The following GALNT9 variants were observed in gnomAD, a reference collection of about 807,000 sequenced individuals.
GALNT9 encodes polypeptide N-acetylgalactosaminyltransferase 9.
A neutral mutation model predicts 63.1 loss-of-function variants in GALNT9; 47 were observed. The ratio of observed to expected loss-of-function variants is 0.75; its 90% CI spans 0.59 to 0.95. The LOEUF (loss-of-function observed/expected upper bound fraction) is 0.95, where lower values mean the gene tolerates loss of function less well. Among genes scored for constraint, GALNT9 ranks in the 40% least tolerant of loss-of-function variants. The pLI is 0.00. For missense variants in GALNT9, 829 were observed against 874.8 expected (o/e 0.95, Z 0.66); for synonymous variants, 396 against 365.7 (o/e 1.08, Z -0.94).
chr12:132,286,611 A>C lies in GALNT9; in HGVS notation c.239-181T>G. On this transcript the variant is annotated intron_variant, in intron 1 of 10. Transcript: ENST00000328957. The surrounding 1 kb of genome is among the most constrained non-coding windows in gnomAD (Gnocchi z 7.4). Reference sequence around the variant, plus strand: ...CCAGAAAGTGCAAGGCTGTGCGCGGAGTGAGAGGGCGGTGCCAGGCGGAAG... The same window carrying C: ...CCAGAAAGTGCAAGGCTGTGCGCGGCGTGAGAGGGCGGTGCCAGGCGGAAG... 1 of 1,098,452 alleles carries C rather than the reference A, an allele frequency of 9.1e-7. No individual in the cohort carries two copies. Among genetic ancestry groups the C allele is most frequent in the Non-Finnish European group, 1.3e-6 (1 of 797,996 alleles). 68.0% of individuals were successfully genotyped at this position (1,098,452 alleles called of 1,614,324 possible).
rs1332510002 is a variant in GALNT9, at chr12:132,286,108, TG to T, written c.419+141del. On this transcript the variant is annotated intron_variant, in intron 2 of 10. Transcript: ENST00000328957. The surrounding 1 kb of genome is among the most constrained non-coding windows in gnomAD (Gnocchi z 7.4). ...GGGGCGGTCACTTCCCCGGCGGGCG[TG>T]GGGGGCGGTCACTTCCCTGGCGGGC... 3.0e-6 allele frequency: 3 copies of T among 986,734 alleles called. No homozygotes were observed. Among genetic ancestry groups the T allele is most frequent in the African/African-American group, 1.8e-5 (1 of 56,158 alleles). The allele number at this position is 986,734 out of a possible 1,614,324, so 61.1% of individuals were successfully genotyped here.
At chr12:132,215,002 C>T (rs73488308) in intron 6 of GALNT9, among the ~76,000 whole-genome samples, 2 of 152,348 alleles carry the variant, frequency 1.3e-5, no homozygotes, top group Admixed American at 6.5e-5. Context: ...AGTGGAGAAA[C>T]CTGCCGGCCT....
At chr12:132,198,406 C>T (rs1875708117) in intron 9 of GALNT9, among the ~76,000 whole-genome samples, 1 of 147,462 alleles carries the variant, frequency 6.8e-6, no homozygotes, top group South Asian at 2.2e-4. Context: ...CTACGGCCAG[C>T]CCCTGACCAC....
chr12:132,266,963 G>A (rs564067892), intron 2 of GALNT9, among the ~76,000 whole-genome samples: 12 of 152,274 alleles, frequency 7.9e-5, no homozygotes, highest in Admixed American at 2.0e-4. Flanking sequence ...GCATCCTGGC[G>A]TCTCTGAGAA....
rs1555239750 is a variant in GALNT9, at chr12:132,261,097, C to T, written c.612G>A (p.Gln204=). The part of the protein sequence containing the change: ...DNVELKFNLD[Q]YVNKRYPGLV... ...GGCCTGGGTACCGCTTGTTGACGTACTGGTCCAGATTGAACTTGAGTTCCA... is the reference window on the plus strand; with the variant it reads ...GGCCTGGGTACCGCTTGTTGACGTATTGGTCCAGATTGAACTTGAGTTCCA... Residue 204 remains glutamine (Q), a synonymous_variant, in exon 4 of 11, where the codon CAG becomes CAA. Coordinates refer to ENST00000328957, the MANE Select transcript of GALNT9 (RefSeq NM_001122636.2). 3 of 1,551,598 alleles carry T rather than the reference C, an allele frequency of 1.9e-6. No homozygotes were observed. The East Asian group carries it at 7.3e-5, about 38-fold the overall frequency.
chr12:132,235,721 AG>A, intron 6 of GALNT9, among the ~76,000 whole-genome samples: 1 of 131,990 alleles, frequency 7.6e-6, no homozygotes, highest in South Asian at 2.8e-4. Flanking sequence ...ACAGGGCAGG[AG>A]GGTCCCCCGG....
chr12:132,292,220 G>C (rs1555242843), intron 1 of GALNT9, among the ~76,000 whole-genome samples: 20 of 152,170 alleles, frequency 1.3e-4, no homozygotes, highest in Non-Finnish European at 4.4e-5. Context: ...CCCTCAACGT[G>C]CAAGAGACAG....
At chr12:132,206,417 G>A (rs894357258) in intron 6 of GALNT9, among the ~76,000 whole-genome samples, 4 of 150,390 alleles carry the variant, frequency 2.7e-5, no homozygotes, top group Non-Finnish European at 4.4e-5. Flanking sequence ...GGAGGCCGAG[G>A]TGGGTGGATC....
intron 1 of GALNT9, among the ~76,000 whole-genome samples, chr12:132,294,861 A>G (rs1880996071): frequency 6.6e-6 from 1 of 152,254 alleles, no homozygotes; most frequent in Non-Finnish European, 1.5e-5. Context: ...GGCGCCTCGC[A>G]GCAGGATTTC....
At chr12:132,305,394 C>T (rs1881557527) in intron 1 of GALNT9, among the ~76,000 whole-genome samples, 1 of 60,958 alleles carries the variant, frequency 1.6e-5, no homozygotes, top group Non-Finnish European at 3.0e-5. Context: ...GGCACATCCT[C>T]ACCGGGGCAC....
intron 6 of GALNT9, among the ~76,000 whole-genome samples, chr12:132,204,005 A>AC (rs1056059016): frequency 4.0e-5 from 6 of 150,246 alleles, no homozygotes; most frequent in Admixed American, 2.7e-4. Flanking sequence ...TGTGGTTCCC[A>AC]CCCCCAGTGC....
Position 132,214,323 on chromosome 12 carries a change from C to A in GALNT9, c.1078-10633G>T, listed in dbSNP as rs533948390. On this transcript the variant is annotated intron_variant, in intron 6 of 10. Coordinates refer to ENST00000328957, the MANE Select transcript of GALNT9 (RefSeq NM_001122636.2). ...GAAGGGGGCGAGCAGGAGCGGAGCC[C>A]GTGTATTAATCATGCTTTCATATTT... 6.6e-5 allele frequency among the ~76,000 whole-genome samples: 10 copies of A among 152,310 alleles called. No individual in the cohort carries two copies. In the South Asian group the frequency reaches 1.0e-3, roughly 16 times the overall value.
At chr12:132,311,909 A>G (rs1881828170) in intron 1 of GALNT9, among the ~76,000 whole-genome samples, 1 of 152,254 alleles carries the variant, frequency 6.6e-6, no homozygotes, top group African/African-American at 2.4e-5. Flanking sequence ...CCACTATAAA[A>G]ATGTAAACCA....
intron 6 of GALNT9, among the ~76,000 whole-genome samples, chr12:132,211,876 T>C (rs1236825614): frequency 1.3e-5 from 2 of 152,208 alleles, no homozygotes; most frequent in East Asian, 1.9e-4. Flanking sequence ...ACCCCTGCCC[T>C]GCAATCCACG....
At chr12:132,302,807 A>C (rs1881350243) in intron 1 of GALNT9, among the ~76,000 whole-genome samples, 1 of 152,190 alleles carries the variant, frequency 6.6e-6, no homozygotes, top group South Asian at 2.1e-4. Flanking sequence ...TGGCAGCAGA[A>C]AGGGGACGGG....
At chr12:132,222,404 C>A (rs1311670694) in intron 6 of GALNT9, among the ~76,000 whole-genome samples, 1 of 152,062 alleles carries the variant, frequency 6.6e-6, no homozygotes, top group Non-Finnish European at 1.5e-5. Flanking sequence ...ATGGTGAAAC[C>A]CCATCTCCTC....
At chr12:132,303,530 C>G (rs1881408879) in intron 1 of GALNT9, among the ~76,000 whole-genome samples, 1 of 137,136 alleles carries the variant, frequency 7.3e-6, no homozygotes, top group Non-Finnish European at 1.6e-5. Flanking sequence ...CTCACCCGGG[C>G]ACAGCCTCAC....
intron 1 of GALNT9, among the ~76,000 whole-genome samples, chr12:132,324,981 G>A (rs1286611197): frequency 1.3e-5 from 2 of 152,222 alleles, no homozygotes; most frequent in African/African-American, 4.8e-5. Context: ...CCCAAAGCAG[G>A]GGCTGCGTCC....
intron 6 of GALNT9, among the ~76,000 whole-genome samples, chr12:132,237,655 T>TG (rs1878055127): frequency 6.6e-6 from 1 of 152,230 alleles, no homozygotes; most frequent in Non-Finnish European, 1.5e-5. Flanking sequence ...CTGCAGGAGA[T>TG]GCCCAGTGTG....
Sources: gnomAD v4.1 joint callset for allele counts (sites outside exome capture counted in the v4.1 genomes callset) on GRCh38, gnomAD v4.1.1 for gene constraint, Gnocchi (gnomAD v3.1) non-coding constraint, MANE v1.5 for transcripts, NCBI Gene and HGNC (gene_info 2026-07-23, HGNC 2026-07-21) for gene names.